Variants in PCDH15 observed in about 807,000 individuals in gnomAD.
The protein encoded by PCDH15 is protocadherin-15.
In PCDH15, 129 loss-of-function variants were observed where a neutral mutation model predicts 178.5. The observed-to-expected ratio is 0.72, with a 90% CI of 0.63 to 0.84. PCDH15 has a LOEUF of 0.84. Among genes scored for constraint, PCDH15 ranks in the 40% least tolerant of loss-of-function variants. PCDH15 has a pLI of 0.00. For synonymous variants in PCDH15, 800 were observed against 732.0 expected, an observed-to-expected ratio of 1.09 and a Z score of -1.50; for missense variants, 2,230 against 2,099.9, an observed-to-expected ratio of 1.06 and a Z score of -1.21.
At chr10:54,213,156 T>C (rs1287645031) in intron 10 of PCDH15, among the ~76,000 whole-genome samples, 9 of 152,156 alleles carry the variant, frequency 5.9e-5, no homozygotes, top group Non-Finnish European at 8.8e-5. Flanking sequence ...ACAAAACTTA[T>C]GCTGAATCTT....
At position 55,176,352 on chromosome 10, in the gene PCDH15, C is replaced by G. The variant is rs74136382; in HGVS notation, c.-155-9701G>C. Among the ~76,000 whole-genome samples, 894 of 152,226 alleles carry G rather than the reference C, an allele frequency of 5.9e-3. 9 individuals carry two copies. Among genetic ancestry groups the G allele is most frequent in the African/African-American group, 0.021 (870 of 41,528 alleles). The stretch of plus-strand genomic sequence containing the variant: ...GATATTTTAGCTCCTATGGGAACCA[C>G]CATCCTTATGGTTCCAGGGTATACT... On this transcript the variant is annotated intron_variant, in intron 1 of 5. Coordinates refer to the PCDH15 transcript ENST00000458638.
intron 21 of PCDH15, among the ~76,000 whole-genome samples, chr10:53,975,983 A>G (rs1168224882): frequency 6.6e-6 from 1 of 152,188 alleles, no homozygotes; most frequent in African/African-American, 2.4e-5. Context: ...ATTCTTCTGC[A>G]TATGGCTAGC....
At chr10:53,957,348 C>T (rs2087717797) in intron 23 of PCDH15, among the ~76,000 whole-genome samples, 1 of 152,102 alleles carries the variant, frequency 6.6e-6, no homozygotes, top group Non-Finnish European at 1.5e-5. Context: ...TATATCCGTC[C>T]TGTTCTTGAG....
At chr10:54,777,080 T>G (rs1033552563) in intron 1 of PCDH15, among the ~76,000 whole-genome samples, 2 of 152,234 alleles carry the variant, frequency 1.3e-5, no homozygotes, top group African/African-American at 4.8e-5. Context: ...CGTTGTGCTT[T>G]TTAAGAGATA....
chr10:53,851,689 T>TATATATA (rs2078374835), intron 28 of PCDH15, among the ~76,000 whole-genome samples: 1 of 27,426 alleles, frequency 3.6e-5, no homozygotes, highest in Non-Finnish European at 6.2e-5. Flanking sequence ...TATATATATA[T>TATATATA]ATATATATAT....
chr10:54,374,017 T>A (rs1296378463), intron 4 of PCDH15, among the ~76,000 whole-genome samples: 1 of 152,002 alleles, frequency 6.6e-6, no homozygotes, highest in Non-Finnish European at 1.5e-5. Flanking sequence ...ATAGACAGGG[T>A]GCATCTTGAA....
intron 33 of PCDH15, 80 bp downstream of exon 33, chr10:53,820,085 T>C (rs934239638): frequency 1.0e-5 from 4 of 396,126 alleles, no homozygotes; most frequent in African/African-American, 8.2e-5. Context: ...AATTATAAAT[T>C]TTACATTTGC....
chr10:53,883,238 A>G (rs954005116), intron 26 of PCDH15, among the ~76,000 whole-genome samples: 3 of 152,102 alleles, frequency 2.0e-5, no homozygotes, highest in African/African-American at 7.2e-5. Context: ...TCTTCCAGCA[A>G]ACTAGGATCA....
At position 53,866,804 on chromosome 10, in the gene PCDH15, T is replaced by C. The variant is rs773283153; in HGVS notation, c.3555A>G (p.Ile1185Met). The C allele has an allele frequency of 5.5e-5, 89 of 1,613,414 alleles. 1 individual carries two copies. In the East Asian group the frequency reaches 1.9e-3, roughly 34 times the overall value. Residue 1185 changes from isoleucine (I) to methionine (M), a missense_variant, in exon 27 of 38, where the codon ATA becomes ATG. Ile to Met is a conservative substitution (Grantham distance 10). Transcript: ENST00000644397. Reference protein sequence around the residue: ...NYSVMAYRLIIPPIKEGKEGF... With the variant: ...NYSVMAYRLIMPPIKEGKEGF... ...CTTCTTTTCCCTCTTTAATTGGTGGTATTATGAGTCTGTAGGCCATGACAC... is the reference window on the plus strand; with the variant it reads ...CTTCTTTTCCCTCTTTAATTGGTGGCATTATGAGTCTGTAGGCCATGACAC...
chr10:54,297,704 C>A (rs759542595), intron 8 of PCDH15, among the ~76,000 whole-genome samples: 1 of 152,128 alleles, frequency 6.6e-6, no homozygotes, highest in African/African-American at 2.4e-5. Flanking sequence ...TTTGGCCCAA[C>A]GTGGGTACAT....
chr10:55,175,674 A>G (rs1839464305), intron 1 of PCDH15, among the ~76,000 whole-genome samples: 1 of 151,238 alleles, frequency 6.6e-6, no homozygotes, highest in Non-Finnish European at 1.5e-5. Context: ...AAAAAAAAAA[A>G]AAAAGAAAAA....
chr10:55,108,066 C>T (rs1204531374), intron 2 of PCDH15, among the ~76,000 whole-genome samples: 1 of 152,050 alleles, frequency 6.6e-6, no homozygotes, highest in African/African-American at 2.4e-5. Flanking sequence ...AGTGTTCAAT[C>T]CAAACACCAG....
At chr10:55,305,642 T>C (rs1363118098) in intron 1 of PCDH15, among the ~76,000 whole-genome samples, 1 of 152,232 alleles carries the variant, frequency 6.6e-6, no homozygotes, top group East Asian at 1.9e-4. Context: ...ACTGCAAAAC[T>C]ATTCAATGGG....
intron 3 of PCDH15, among the ~76,000 whole-genome samples, chr10:54,425,463 G>A (rs1956162949): frequency 6.6e-6 from 1 of 152,094 alleles, no homozygotes; most frequent in Non-Finnish European, 1.5e-5. Context: ...GGATTTCCAA[G>A]CCTCCTTAGC....
At chr10:54,068,492 G>A (rs1383731767) in intron 17 of PCDH15, among the ~76,000 whole-genome samples, 2 of 152,142 alleles carry the variant, frequency 1.3e-5, no homozygotes, top group Non-Finnish European at 2.9e-5. Flanking sequence ...ATACAGGATT[G>A]TGTTTTATAT....
chr10:54,117,880 T>C (rs2095143407), intron 15 of PCDH15, among the ~76,000 whole-genome samples: 1 of 152,038 alleles, frequency 6.6e-6, no homozygotes, highest in African/African-American at 2.4e-5. Context: ...TTAATGGGCC[T>C]CATAGGGGAG....
At chr10:53,997,483 G>A (rs938171051) in intron 20 of PCDH15, among the ~76,000 whole-genome samples, 4 of 152,066 alleles carry the variant, frequency 2.6e-5, no homozygotes. Context: ...ACACTGCAAT[G>A]TTTCCATGCA....
At chr10:54,947,443 A>G (rs1421928712) in intron 2 of PCDH15, among the ~76,000 whole-genome samples, 1 of 151,938 alleles carries the variant, frequency 6.6e-6, no homozygotes, top group Admixed American at 6.6e-5. Context: ...TGTCCCTTGA[A>G]TGATATTTTA....
chr10:53,842,469 A>G (rs1029603134), intron 28 of PCDH15, among the ~76,000 whole-genome samples: 2 of 152,114 alleles, frequency 1.3e-5, no homozygotes, highest in African/African-American at 4.8e-5. Flanking sequence ...CTGGTCTCAA[A>G]TTCCTGACCT....
Sources: gnomAD v4.1 joint callset for allele counts (sites outside exome capture counted in the v4.1 genomes callset) on GRCh38, gnomAD v4.1.1 for gene constraint, MANE v1.5 for transcripts, NCBI Gene and HGNC (gene_info 2026-07-23, HGNC 2026-07-21) for gene names.